Variants in FBLN7 observed in about 807,000 individuals in gnomAD.
FBLN7 encodes the protein fibulin-7.
A neutral mutation model predicts 44.0 loss-of-function variants in FBLN7; 31 were observed. That is an observed-to-expected ratio of 0.70 (90% confidence interval 0.53 to 0.95). FBLN7 has a LOEUF of 0.95. Ranked by LOEUF, FBLN7 falls within the 40% of genes least tolerant of loss-of-function variation. The probability of loss-of-function intolerance (pLI) is 0.00; values close to 1 mark genes in which losing one functional copy is unlikely to be tolerated. For synonymous variants in FBLN7, 262 were observed against 253.4 expected (o/e 1.03, Z -0.32); for missense variants, 573 against 618.5 (o/e 0.93, Z 0.78).
At chr2:112,193,712 A>C in the FBLN7 span, among the ~76,000 whole-genome samples, 2 of 152,182 alleles carry the variant, frequency 1.3e-5, no homozygotes, top group Non-Finnish European at 2.9e-5. Context: ...ATCGTGTGCA[A>C]TGACAGTTGG....
the FBLN7 span, among the ~76,000 whole-genome samples, chr2:112,229,286 C>T: frequency 6.6e-6 from 1 of 152,176 alleles, no homozygotes; most frequent in Non-Finnish European, 1.5e-5. Flanking sequence ...TGATATGAGG[C>T]CTCTATCTGA....
At chr2:112,152,707 C>T (rs1267849474) in intron 1 of FBLN7, 2 of 152,200 alleles carry the variant, frequency 1.3e-5, no homozygotes, top group African/African-American at 2.4e-5. Context: ...CTCCACACTG[C>T]CTTCTGCCTT....
chr2:112,209,440 A>T, the FBLN7 span, among the ~76,000 whole-genome samples: 1 of 152,210 alleles, frequency 6.6e-6, no homozygotes, highest in Non-Finnish European at 1.5e-5. Context: ...TGGCAATGAC[A>T]TCATCTACCT....
intron 1 of FBLN7, among the ~76,000 whole-genome samples, chr2:112,143,647 G>A (rs189393746): frequency 3.0e-4 from 45 of 152,288 alleles, no homozygotes; most frequent in African/African-American, 1.1e-3. Context: ...ACTACATCAT[G>A]CTGCTCTTTG....
At chr2:112,213,760 A>G in the FBLN7 span, 1 of 110,352 alleles carries the variant, frequency 9.1e-6, no homozygotes, top group African/African-American at 3.4e-5. Context: ...TGGGCGACAG[A>G]GCGAGACTCC....
rs35764058 is a variant in FBLN7, at chr2:112,144,523, CT to C, written c.75+5812del. Among the ~76,000 whole-genome samples the C allele has an allele frequency of 3.4e-3, 426 of 123,766 alleles. 1 individual carries two copies. The highest frequency in any genetic ancestry group is 9.8e-3 in the African/African-American group (323 of 32,902). 81.2% of individuals were successfully genotyped at this position (123,766 alleles called of 152,430 possible). The stretch of plus-strand genomic sequence containing the variant: ...TTTGTTTTTGTTTTTGTTTTCTTTT[CT>C]TTTTTTTTTTTTTTTTTTGAGACGG... On this transcript the variant is annotated intron_variant, in intron 1 of 7. Transcript: ENST00000331203.
chr2:112,182,931 G>T lies in FBLN7; in HGVS notation c.808+3G>T. Reference sequence around the variant, plus strand: ...GGCTGACGGGAAGAGCTGTGAGGGTGAGTGAGGCTACAGAGTGTCGTCTGC... The same window carrying T: ...GGCTGACGGGAAGAGCTGTGAGGGTTAGTGAGGCTACAGAGTGTCGTCTGC... On this transcript the variant is annotated splice_donor_region_variant and intron_variant, in intron 6 of 7. Transcript: ENST00000331203. 1.9e-6 allele frequency: 3 copies of T among 1,611,966 alleles called. No homozygotes were observed. The highest frequency in any genetic ancestry group is 2.5e-6 in the Non-Finnish European group (3 of 1,179,722).
chr2:112,193,375 G>T, the FBLN7 span, among the ~76,000 whole-genome samples: 1 of 152,190 alleles, frequency 6.6e-6, no homozygotes, highest in South Asian at 2.1e-4. Context: ...AGGAGGTGGA[G>T]GTTGCAGTGA....
the FBLN7 span, among the ~76,000 whole-genome samples, chr2:112,194,645 C>G: frequency 6.6e-6 from 1 of 152,206 alleles, no homozygotes; most frequent in Non-Finnish European, 1.5e-5. Flanking sequence ...TGAGTACTTA[C>G]TAAATTGAAT....
At chr2:112,219,585 C>T in the FBLN7 span, among the ~76,000 whole-genome samples, 2 of 152,094 alleles carry the variant, frequency 1.3e-5, no homozygotes, top group Admixed American at 1.3e-4. Flanking sequence ...TAGTTTTGAG[C>T]GATTTTCTTA....
chr2:112,239,417 A>T, the FBLN7 span, among the ~76,000 whole-genome samples: 3 of 152,200 alleles, frequency 2.0e-5, no homozygotes, highest in Non-Finnish European at 2.9e-5. Context: ...CATGCCTATC[A>T]TTACAGTGGA....
intron 1 of FBLN7, among the ~76,000 whole-genome samples, chr2:112,144,178 C>T (rs779798994): frequency 3.9e-5 from 6 of 152,180 alleles, no homozygotes; most frequent in African/African-American, 9.7e-5. Context: ...AGCTCTCCTA[C>T]GCGTGATATT....
At position 112,172,627 on chromosome 2, in the gene FBLN7, CTTTTTTTTT is replaced by C. The variant is rs35062438; in HGVS notation, c.407-3071_407-3063del. ...TGGAATTCACCTTTTCTTTTTCTTT[CTTTTTTTTT>C]TTTTTTTTTTTTTTTGAGACAGAGT... On this transcript the variant is annotated intron_variant, in intron 3 of 7. Coordinates refer to ENST00000331203, the MANE Select transcript of FBLN7 (RefSeq NM_153214.3). Among the ~76,000 whole-genome samples the C allele has an allele frequency of 5.7e-5, 5 of 88,134 alleles. No homozygotes were observed. The East Asian group carries it at 1.5e-3, about 26-fold the overall frequency. The allele number at this position is 88,134 out of a possible 152,430, so 57.8% of individuals were successfully genotyped here.
At chr2:112,202,991 G>T in the FBLN7 span, among the ~76,000 whole-genome samples, 2 of 152,114 alleles carry the variant, frequency 1.3e-5, no homozygotes, top group Admixed American at 1.3e-4. Flanking sequence ...ATTGCAACTG[G>T]AGGTGTTGTT....
At chr2:112,210,027 G>A in the FBLN7 span, among the ~76,000 whole-genome samples, 4 of 151,834 alleles carry the variant, frequency 2.6e-5, no homozygotes, top group Non-Finnish European at 4.4e-5. Context: ...CTGAGCCTGG[G>A]GAGGGTGAGG....
the FBLN7 span, among the ~76,000 whole-genome samples, chr2:112,199,762 A>G: frequency 6.6e-6 from 1 of 152,212 alleles, no homozygotes; most frequent in Non-Finnish European, 1.5e-5. Flanking sequence ...GAATGGATTA[A>G]TGGGTTAATG....
chr2:112,197,014 G>A, the FBLN7 span, among the ~76,000 whole-genome samples: 12 of 152,052 alleles, frequency 7.9e-5, no homozygotes, highest in East Asian at 2.1e-3. Flanking sequence ...GGGAAGACCT[G>A]CCCCCATGAT....
chr2:112,155,440 C>T (rs9679081), intron 1 of FBLN7, among the ~76,000 whole-genome samples: 4,605 of 152,328 alleles, frequency 0.03, 232 homozygotes, highest in African/African-American at 0.1. Flanking sequence ...GCCCCAGCCC[C>T]GGCATGCTGG....
the FBLN7 span, chr2:112,240,337 T>C: frequency 6.6e-6 from 1 of 152,238 alleles, no homozygotes; most frequent in South Asian, 2.1e-4. Context: ...TATGAAAAGG[T>C]TGGCCGACTC....
Sources: allele counts gnomAD v4.1 joint callset (sites outside exome capture counted in the v4.1 genomes callset), GRCh38; gene constraint gnomAD v4.1.1; transcripts MANE v1.5; gene names NCBI Gene and HGNC (gene_info 2026-07-23, HGNC 2026-07-21).